ASB17: variants seen among roughly 807,000 people sequenced by gnomAD.
ASB17 encodes the protein ankyrin repeat and SOCS box containing 17.
ASB17 carries 26 observed loss-of-function variants against 25.7 expected under a neutral mutation model. That is an observed-to-expected ratio of 1.01 (90% CI 0.74 to 1.40). The LOEUF (loss-of-function observed/expected upper bound fraction) is 1.40, where lower values mean the gene tolerates loss of function less well. Among genes scored for constraint, ASB17 ranks in the 40% most tolerant of loss-of-function variants. The pLI is 0.00. For missense variants in ASB17, 326 were observed against 338.5 expected, an observed-to-expected ratio of 0.96 and a Z score of 0.29; for synonymous variants, 128 against 121.4, an observed-to-expected ratio of 1.05 and a Z score of -0.36.
At chr1:75,922,584 C>T (rs1653063864) in intron 1 of ASB17, among the ~76,000 whole-genome samples, 1 of 139,164 alleles carries the variant, frequency 7.2e-6, no homozygotes, top group Non-Finnish European at 1.5e-5. Context: ...GCGACCTCTG[C>T]CTCCTGGGTT....
chr1:75,929,962 G>T (rs1197350919), intron 1 of ASB17, among the ~76,000 whole-genome samples: 3 of 139,822 alleles, frequency 2.1e-5, no homozygotes, highest in Non-Finnish European at 4.6e-5. Context: ...GAAGGAGAAG[G>T]TTGGCAGAGA....
chr1:75,921,026 G>A (rs1653013277), intron 2 of ASB17, among the ~76,000 whole-genome samples: 2 of 151,894 alleles, frequency 1.3e-5, no homozygotes, highest in Admixed American at 6.6e-5. Flanking sequence ...CGCCCGCCTC[G>A]GCCTCCCAAA....
intron 1 of ASB17, among the ~76,000 whole-genome samples, chr1:75,931,012 C>T (rs192148976): frequency 2.6e-5 from 4 of 152,268 alleles, no homozygotes; most frequent in East Asian, 3.9e-4. Context: ...AGTGGTTCTC[C>T]GATACCATAG....
At chr1:75,922,480 A>ATTTTTT in intron 1 of ASB17, 121 bp from the exon 2 acceptor site, 1 of 305,620 alleles carries the variant, frequency 3.3e-6, no homozygotes, top group Non-Finnish European at 5.3e-6. Flanking sequence ...ATGTAACTTT[A>ATTTTTT]TATGTTTCTT....
rs367989531 is a variant in ASB17, at chr1:75,925,831, T to C, written c.402-3472A>G. Among the ~76,000 whole-genome samples the C allele has an allele frequency of 6.7e-4, 102 of 152,314 alleles. 1 individual carries two copies. In the South Asian group the frequency reaches 0.014, roughly 21 times the overall value. ...ATTTCTAGCTGAAAAATTTGATAGATGCTTCTCCAGAATAATTTTACATGT... is the reference window on the plus strand; with the variant it reads ...ATTTCTAGCTGAAAAATTTGATAGACGCTTCTCCAGAATAATTTTACATGT... On this transcript the variant is annotated intron_variant, in intron 1 of 2. Coordinates refer to ENST00000284142, the MANE Select transcript of ASB17 (RefSeq NM_080868.3).
chr1:75,929,207 T>TTTTA (rs373483539), intron 1 of ASB17, among the ~76,000 whole-genome samples: 12 of 123,442 alleles, frequency 9.7e-5, no homozygotes, highest in African/African-American at 3.3e-4. Context: ...GTTTTTATTT[T>TTTTA]TTTTTATTTA....
Position 75,918,914 on chromosome 1 carries a change from G to T in ASB17, c.*38C>A. The stretch of plus-strand genomic sequence containing the variant: ...TTTATTAACTTCTAAGCCATACATT[G>T]GTAAGCATTGTTAAGGAACTTAGGA... On this transcript the variant is annotated 3_prime_UTR_variant, in exon 3 of 3. Transcript: ENST00000284142. The T allele has an allele frequency of 6.7e-7, 1 of 1,501,224 alleles. No homozygotes were observed. The allele number at this position is 1,501,224 out of a possible 1,614,324, so 93.0% of individuals were successfully genotyped here.
intron 1 of ASB17, among the ~76,000 whole-genome samples, chr1:75,924,308 A>G (rs1653111912): frequency 6.6e-6 from 1 of 152,152 alleles, no homozygotes; most frequent in Admixed American, 6.5e-5. Flanking sequence ...GATGTCCTAG[A>G]GCCCTTACCC....
intron 1 of ASB17, among the ~76,000 whole-genome samples, chr1:75,926,991 C>G (rs918319962): frequency 6.6e-6 from 1 of 152,080 alleles, no homozygotes; most frequent in African/African-American, 2.4e-5. Context: ...GGGAAATTAA[C>G]TAGGTGTGCC....
intron 1 of ASB17, among the ~76,000 whole-genome samples, chr1:75,929,998 C>T (rs909437634): frequency 6.6e-6 from 1 of 151,728 alleles, no homozygotes. Context: ...ATCAGTATTC[C>T]GCTTTGTTTC....
chr1:75,931,631 A>C (rs1053480320), intron 1 of ASB17, among the ~76,000 whole-genome samples: 1 of 152,156 alleles, frequency 6.6e-6, no homozygotes, highest in Non-Finnish European at 1.5e-5. Context: ...TTAGTTAGAG[A>C]AACATGTTGT....
intron 1 of ASB17, among the ~76,000 whole-genome samples, chr1:75,925,261 AG>A (rs1335919734): frequency 6.6e-6 from 1 of 152,100 alleles, no homozygotes; most frequent in African/African-American, 2.4e-5. Context: ...AACTTTTCAA[AG>A]GCAGTTTAAT....
chr1:75,929,203 A>AT (rs201757257), intron 1 of ASB17, among the ~76,000 whole-genome samples: 2 of 150,312 alleles, frequency 1.3e-5, no homozygotes, highest in Non-Finnish European at 3.0e-5. Flanking sequence ...TAGGGTTTTT[A>AT]TTTTTTTTTA....
intron 1 of ASB17, among the ~76,000 whole-genome samples, chr1:75,924,734 T>C (rs1431763859): frequency 2.6e-5 from 4 of 152,138 alleles, no homozygotes; most frequent in Non-Finnish European, 5.9e-5. Context: ...CTATCATTGG[T>C]ATGCAGTTTC....
intron 1 of ASB17, among the ~76,000 whole-genome samples, chr1:75,924,646 T>C (rs925853307): frequency 1.3e-5 from 2 of 152,114 alleles, no homozygotes; most frequent in African/African-American, 2.4e-5. Flanking sequence ...AGACCAATAA[T>C]GTCATGGGCA....
At chr1:75,922,041 T>TGTATTCTTTCCTTTACAGTTG in intron 2 of ASB17, 39 bp downstream of exon 2, 2 of 1,511,744 alleles carry the variant, frequency 1.3e-6, no homozygotes, top group Non-Finnish European at 1.8e-6. Flanking sequence ...TAAGATTCAC[T>TGTATTCTTTCCTTTACAGTTG]AATATTTGAG....
intron 1 of ASB17, among the ~76,000 whole-genome samples, chr1:75,931,012 C>G (rs192148976): frequency 1.1e-4 from 16 of 152,150 alleles, no homozygotes; most frequent in Admixed American, 1.0e-3. Flanking sequence ...AGTGGTTCTC[C>G]GATACCATAG....
At chr1:75,927,070 T>C (rs1380975678) in intron 1 of ASB17, among the ~76,000 whole-genome samples, 1 of 152,102 alleles carries the variant, frequency 6.6e-6, no homozygotes, top group African/African-American at 2.4e-5. Context: ...TAAGATATGA[T>C]GATATTACAG....
intron 1 of ASB17, among the ~76,000 whole-genome samples, chr1:75,926,265 G>T (rs1653169717): frequency 6.6e-6 from 1 of 152,214 alleles, no homozygotes. Context: ...AGCAGGTGAT[G>T]AGTGCTTGGA....
Sources: allele counts gnomAD v4.1 joint callset (sites outside exome capture counted in the v4.1 genomes callset), GRCh38; gene constraint gnomAD v4.1.1; transcripts MANE v1.5; gene names NCBI Gene and HGNC (gene_info 2026-07-23, HGNC 2026-07-21).